Variants in ACP3 observed in about 807,000 individuals in gnomAD.
ACP3 encodes the protein prostatic acid phosphatase.
ACP3 carries 38 observed loss-of-function variants against 45.6 expected under a neutral mutation model. The ratio of observed to expected loss-of-function variants is 0.83; its 90% CI spans 0.64 to 1.09. The LOEUF is 1.09. ACP3 is among the 50% of genes least tolerant of loss of function. ACP3 has a pLI of 0.00. For missense variants in ACP3, 466 were observed against 463.2 expected (o/e 1.01, Z -0.05); for synonymous variants, 162 against 164.7 (o/e 0.98, Z 0.13).
chr3:132,321,994 C>T (rs2107791878), intron 1 of ACP3, among the ~76,000 whole-genome samples: 1 of 152,178 alleles, frequency 6.6e-6, no homozygotes, highest in East Asian at 1.9e-4. Flanking sequence ...TCATGATGCT[C>T]CTGGATGAGA....
At chr3:132,322,502 G>A (rs1332109294) in intron 1 of ACP3, among the ~76,000 whole-genome samples, 3 of 152,112 alleles carry the variant, frequency 2.0e-5, no homozygotes, top group African/African-American at 7.2e-5. Flanking sequence ...TGTGCATCAC[G>A]AGATTTTCAC....
At chr3:132,350,031 T>C (rs764658248) in intron 8 of ACP3, 29 bp downstream of exon 8, 5 of 1,479,004 alleles carry the variant, frequency 3.4e-6, no homozygotes, top group Admixed American at 1.7e-5. Flanking sequence ...ATTTAACATA[T>C]GTTTGTTCAA....
At chr3:132,327,800 A>T (rs957392003) in intron 1 of ACP3, among the ~76,000 whole-genome samples, 11 of 151,950 alleles carry the variant, frequency 7.2e-5, no homozygotes, top group Admixed American at 6.6e-4. Flanking sequence ...TTTCAAAAAA[A>T]AAAAAGTTAT....
At chr3:132,323,837 C>G (rs1486986744) in intron 1 of ACP3, among the ~76,000 whole-genome samples, 1 of 152,134 alleles carries the variant, frequency 6.6e-6, no homozygotes, top group African/African-American at 2.4e-5. Flanking sequence ...GATATAATAT[C>G]TAAGAGTGAT....
At position 132,323,709 on chromosome 3, in the gene ACP3, C is replaced by T. The variant is rs1341993723; in HGVS notation, c.121-4558C>T. ...TATTGGATGTAACAGCAGGAGGGCC[C>T]ATGTGGGTAAGCTGAGGACATCAAG... On this transcript the variant is annotated intron_variant, in intron 1 of 9. Coordinates refer to ENST00000336375, the MANE Select transcript of ACP3 (RefSeq NM_001099.5). Among the ~76,000 whole-genome samples, 9 of 152,276 alleles carry T rather than the reference C, an allele frequency of 5.9e-5. No homozygotes were observed. In the South Asian group the frequency reaches 1.5e-3, roughly 25 times the overall value.
intron 1 of ACP3, among the ~76,000 whole-genome samples, chr3:132,325,898 G>A (rs1369389286): frequency 2.0e-5 from 3 of 152,188 alleles, no homozygotes; most frequent in Non-Finnish European, 4.4e-5. Flanking sequence ...CTGCTTTGTG[G>A]AACTGATGAG....
intron 7 of ACP3, among the ~76,000 whole-genome samples, chr3:132,347,403 A>G (rs1937621766): frequency 6.6e-6 from 1 of 152,196 alleles, no homozygotes; most frequent in Non-Finnish European, 1.5e-5. Context: ...TAATGTGGAC[A>G]CATCAGGGCC....
chr3:132,341,414 A>G (rs1347232318), intron 5 of ACP3, among the ~76,000 whole-genome samples: 4 of 152,240 alleles, frequency 2.6e-5, no homozygotes, highest in African/African-American at 9.6e-5. Flanking sequence ...TGGATTAATT[A>G]CAATGATTGA....
chr3:132,347,053 C>T (rs1003326887), intron 7 of ACP3, among the ~76,000 whole-genome samples: 9 of 152,244 alleles, frequency 5.9e-5, no homozygotes, highest in Admixed American at 3.9e-4. Context: ...TAGAAGATTA[C>T]ATTTGGGAGA....
intron 4 of ACP3, among the ~76,000 whole-genome samples, chr3:132,334,708 G>A (rs989736547): frequency 6.6e-6 from 1 of 152,142 alleles, no homozygotes; most frequent in Non-Finnish European, 1.5e-5. Flanking sequence ...TTCATATTTA[G>A]AAAGAGAATG....
chr3:132,341,714 C>A (rs1937555092), intron 5 of ACP3, among the ~76,000 whole-genome samples: 1 of 152,168 alleles, frequency 6.6e-6, no homozygotes, highest in Non-Finnish European at 1.5e-5. Flanking sequence ...TAGAATTCCT[C>A]TATGACAGTC....
At chr3:132,329,390 TC>T (rs1235258496) in intron 2 of ACP3, among the ~76,000 whole-genome samples, 1 of 152,144 alleles carries the variant, frequency 6.6e-6, no homozygotes, top group Non-Finnish European at 1.5e-5. Flanking sequence ...TCCTTGGTGA[TC>T]AGTTCACTCT....
rs15096 is a variant in ACP3, at chr3:132,358,726, A to G, written c.*1848A>G. The G allele has an allele frequency of 1.0e-6, 1 of 994,162 alleles. No homozygotes were observed. The highest frequency in any genetic ancestry group is 1.7e-5 in the African/African-American group (1 of 57,752). 61.6% of individuals were successfully genotyped at this position (994,162 alleles called of 1,614,324 possible). ...TCTTCTAGCAGTGAGCCAAATGTAA[A>G]ATAGTGAATAAAGTCATTATTAGGA... On this transcript the variant is annotated 3_prime_UTR_variant, in exon 10 of 10. Coordinates refer to ENST00000336375, the MANE Select transcript of ACP3 (RefSeq NM_001099.5).
At chr3:132,362,125 T>G (rs1463477141), downstream of ACP3, among the ~76,000 whole-genome samples, 1 of 152,246 alleles carries the variant, frequency 6.6e-6, no homozygotes. Flanking sequence ...TCATCTCTTT[T>G]TTTTTTAACT....
chr3:132,367,502 G>A (rs774455608), intron 10 of ACP3, among the ~76,000 whole-genome samples: 1 of 152,164 alleles, frequency 6.6e-6, no homozygotes, highest in East Asian at 1.9e-4. Flanking sequence ...AAGGGTCAAA[G>A]TTTATGCTGG....
chr3:132,342,373 T>C lies in ACP3; in HGVS notation c.556-179T>C, dbSNP rs1053102750. ...CAATGTCGGGAGATATTCTGGGTTA[T>C]ACAAGTGGGAGATTAGGAATGCTAC... is the stretch of plus-strand genomic sequence containing the variant. On this transcript the variant is annotated intron_variant, in intron 5 of 9. Coordinates refer to ENST00000336375, the MANE Select transcript of ACP3 (RefSeq NM_001099.5). 2.6e-5 allele frequency among the ~76,000 whole-genome samples: 4 copies of C among 152,232 alleles called. 1 individual carries two copies. The highest frequency in any genetic ancestry group is 2.6e-4 in the Admixed American group (4 of 15,276).
chr3:132,349,185 T>C (rs3749269), intron 7 of ACP3, among the ~76,000 whole-genome samples: 72,368 of 151,962 alleles, frequency 0.48, 18,014 homozygotes, highest in Middle Eastern at 0.65. Context: ...AGAAATAGGA[T>C]AAATACTGTA....
intron 5 of ACP3, among the ~76,000 whole-genome samples, chr3:132,342,205 T>C (rs1344554367): frequency 6.6e-6 from 1 of 152,234 alleles, no homozygotes; most frequent in East Asian, 1.9e-4. Flanking sequence ...ATCTACATTT[T>C]AAATGTAATA....
Position 132,358,552 on chromosome 3 carries a change from T to C in ACP3, c.*1674T>C. 8.6e-7 allele frequency: 1 copy of C among 1,159,340 alleles called. No individual in the cohort carries two copies. The highest frequency in any genetic ancestry group is 2.3e-4 in the Middle Eastern group (1 of 4,278). The allele number at this position is 1,159,340 out of a possible 1,614,324, so 71.8% of individuals were successfully genotyped here. On this transcript the variant is annotated 3_prime_UTR_variant, in exon 10 of 10. Coordinates refer to ENST00000336375, the MANE Select transcript of ACP3 (RefSeq NM_001099.5). ...TGAGATGGTTTCTAGAGATGGTTTC[T>C]ACTGGCTGCCAGAATCTAGAGCAAA...
Sources: allele counts gnomAD v4.1 joint callset (sites outside exome capture counted in the v4.1 genomes callset), GRCh38; gene constraint gnomAD v4.1.1; transcripts MANE v1.5; gene names NCBI Gene and HGNC (gene_info 2026-07-23, HGNC 2026-07-21).